The following GALNT13 variants were observed in gnomAD, a reference collection of about 807,000 sequenced individuals.
GALNT13 encodes the protein UDP-GalNAc:polypeptide N-acetylgalactosaminyltransferase 13.
A neutral mutation model predicts 64.2 loss-of-function variants in GALNT13; 28 were observed. The ratio of observed to expected loss-of-function variants is 0.44; its 90% CI spans 0.32 to 0.60. The LOEUF (loss-of-function observed/expected upper bound fraction) is 0.60, where lower values mean the gene tolerates loss of function less well. Ranked by LOEUF, GALNT13 falls within the 20% of genes least tolerant of loss-of-function variation. GALNT13 has a pLI of 0.05. For synonymous variants in GALNT13, 214 were observed against 224.6 expected (o/e 0.95, Z 0.42); for missense variants, 577 against 669.8 (o/e 0.86, Z 1.53).
At chr2:153,776,337 A>G in the GALNT13 span, among the ~76,000 whole-genome samples, 1 of 152,216 alleles carries the variant, frequency 6.6e-6, no homozygotes, top group Non-Finnish European at 1.5e-5. Context: ...ATACAACTGT[A>G]CAAGTCTGGT....
chr2:154,155,004 C>T (rs1459185441), intron 4 of GALNT13, among the ~76,000 whole-genome samples: 1 of 151,360 alleles, frequency 6.6e-6, no homozygotes, highest in Non-Finnish European at 1.5e-5. Flanking sequence ...ACATAAATGC[C>T]ACTTTTAATA....
chr2:153,070,085 A>G, the GALNT13 span, among the ~76,000 whole-genome samples: 1 of 152,182 alleles, frequency 6.6e-6, no homozygotes, highest in African/African-American at 2.4e-5. Flanking sequence ...TGAGACTTCA[A>G]CTACTTGAGG....
At chr2:153,203,910 T>C in the GALNT13 span, among the ~76,000 whole-genome samples, 5 of 152,008 alleles carry the variant, frequency 3.3e-5, no homozygotes, top group African/African-American at 1.2e-4. Context: ...CTAAATATTG[T>C]AAAAAGTGTG....
the GALNT13 span, among the ~76,000 whole-genome samples, chr2:153,863,582 C>G: frequency 6.6e-6 from 1 of 152,098 alleles, no homozygotes; most frequent in Non-Finnish European, 1.5e-5. Context: ...AATGTATTAT[C>G]TATTGAGCTA....
chr2:153,868,432 T>A (rs189053288), upstream of GALNT13, among the ~76,000 whole-genome samples: 6 of 152,342 alleles, frequency 3.9e-5, no homozygotes, highest in East Asian at 1.2e-3. Context: ...GAAAATATTA[T>A]TAGATTTCAT....
chr2:153,417,730 A>G, the GALNT13 span, among the ~76,000 whole-genome samples: 1 of 152,190 alleles, frequency 6.6e-6, no homozygotes, highest in Non-Finnish European at 1.5e-5. Context: ...CACTTGGAGT[A>G]TATTAAATTT....
At chr2:153,602,926 T>C in the GALNT13 span, among the ~76,000 whole-genome samples, 1 of 152,018 alleles carries the variant, frequency 6.6e-6, no homozygotes, top group East Asian at 1.9e-4. Context: ...TGGAAGAAGA[T>C]ACAAGATGGG....
chr2:153,794,877 A>C, the GALNT13 span, among the ~76,000 whole-genome samples: 1 of 152,174 alleles, frequency 6.6e-6, no homozygotes, highest in East Asian at 1.9e-4. Context: ...AATAAAACAA[A>C]TTTAAGCAAT....
the GALNT13 span, among the ~76,000 whole-genome samples, chr2:153,100,536 ACC>A: frequency 2.0e-5 from 3 of 152,178 alleles, no homozygotes; most frequent in Admixed American, 1.3e-4. Flanking sequence ...CTTAAATGTG[ACC>A]TGTGGGGCTT....
chr2:154,338,883 A>G (rs1372987744), intron 9 of GALNT13, among the ~76,000 whole-genome samples: 1 of 152,090 alleles, frequency 6.6e-6, no homozygotes, highest in Admixed American at 6.6e-5. Flanking sequence ...GGAATTGACT[A>G]ACAAGGGTCT....
At chr2:154,417,055 G>T (rs1039046795) in intron 11 of GALNT13, among the ~76,000 whole-genome samples, 3 of 151,704 alleles carry the variant, frequency 2.0e-5, no homozygotes, top group Non-Finnish European at 4.4e-5. Context: ...TAAGCCCTGG[G>T]GATTCATTCT....
the GALNT13 span, among the ~76,000 whole-genome samples, chr2:153,834,085 G>T: frequency 6.6e-6 from 1 of 152,144 alleles, no homozygotes; most frequent in East Asian, 1.9e-4. Context: ...TAATATACCG[G>T]CTTGCCTGTC....
At chr2:153,778,426 T>G in the GALNT13 span, among the ~76,000 whole-genome samples, 1 of 152,186 alleles carries the variant, frequency 6.6e-6, no homozygotes. Context: ...AGTACTTCCC[T>G]TCACCCCTTC....
intron 9 of GALNT13, among the ~76,000 whole-genome samples, chr2:154,351,741 G>A (rs548581991): frequency 7.8e-6 from 1 of 127,456 alleles, no homozygotes; most frequent in South Asian, 2.8e-4. Context: ...TATTTTATGA[G>A]ATCACTCTGT....
At chr2:153,082,951 C>T in the GALNT13 span, among the ~76,000 whole-genome samples, 4 of 151,716 alleles carry the variant, frequency 2.6e-5, no homozygotes, top group Non-Finnish European at 5.9e-5. Context: ...GCCTCAGCCT[C>T]CCAAGTGTCT....
At chr2:153,203,874 T>TAC in the GALNT13 span, among the ~76,000 whole-genome samples, 82,117 of 150,904 alleles carry the variant, frequency 0.54, 23,280 homozygotes, top group Non-Finnish European at 0.64. Context: ...GTAGCGTGTC[T>TAC]ACACACACAC....
intron 8 of GALNT13, 149 bp downstream of exon 8, chr2:154,259,287 CAG>C (rs1690561154): frequency 3.2e-6 from 2 of 625,664 alleles, no homozygotes; most frequent in Non-Finnish European, 5.6e-6. Flanking sequence ...TTTGATTTGA[CAG>C]AGTCCTATTG....
chr2:153,344,394 T>C, the GALNT13 span, among the ~76,000 whole-genome samples: 1 of 152,216 alleles, frequency 6.6e-6, no homozygotes, highest in African/African-American at 2.4e-5. Flanking sequence ...TGGAGAATGT[T>C]CTTCAGTTTA....
At chr2:153,343,758 T>A in the GALNT13 span, among the ~76,000 whole-genome samples, 1 of 152,080 alleles carries the variant, frequency 6.6e-6, no homozygotes, top group Non-Finnish European at 1.5e-5. Flanking sequence ...ACTTAACTCA[T>A]CTTATTATAA....
Sources: gnomAD v4.1 joint callset for allele counts (sites outside exome capture counted in the v4.1 genomes callset) on GRCh38, gnomAD v4.1.1 for gene constraint, MANE v1.5 for transcripts, NCBI Gene and HGNC (gene_info 2026-07-23, HGNC 2026-07-21) for gene names.